Variants in ANKDD1A observed in about 807,000 individuals in gnomAD.
ANKDD1A encodes the protein ankyrin repeat and death domain-containing protein 1A.
A neutral mutation model predicts 63.5 loss-of-function variants in ANKDD1A; 59 were observed. The observed-to-expected ratio is 0.93, with a 90% CI of 0.75 to 1.15. The LOEUF (loss-of-function observed/expected upper bound fraction) is 1.15, where lower values mean the gene tolerates loss of function less well. Ranked by LOEUF, ANKDD1A falls within the 50% of genes most tolerant of loss-of-function variation. ANKDD1A has a pLI of 0.00. For synonymous variants in ANKDD1A, 266 were observed against 263.9 expected (o/e 1.01, Z -0.08); for missense variants, 632 against 656.4 (o/e 0.96, Z 0.41).
In ANKDD1A at chr15:64,917,369, C is replaced by A; in HGVS notation, c.139-17C>A. 1 of 1,593,018 alleles carries A rather than the reference C, an allele frequency of 6.3e-7. No homozygotes were observed. The highest frequency in any genetic ancestry group is 1.1e-5 in the South Asian group (1 of 88,564). ...GGTGGCAGCAGCACCTGACAAGTGT[C>A]ATCTCCCTCCGGGCAGGTGGGCAGG... On this transcript the variant is annotated splice_polypyrimidine_tract_variant and intron_variant, in intron 2 of 14. Transcript: ENST00000319580.
At chr15:64,935,102 C>T (rs2085118270) in intron 9 of ANKDD1A, among the ~76,000 whole-genome samples, 1 of 151,326 alleles carries the variant, frequency 6.6e-6, no homozygotes, top group Non-Finnish European at 1.5e-5. Context: ...GTGGTGTACA[C>T]ATGTAGTCCT....
intron 14 of ANKDD1A, 199 bp downstream of exon 14, chr15:64,950,171 A>T: frequency 1.0e-6 from 1 of 985,324 alleles, no homozygotes; most frequent in Non-Finnish European, 1.2e-6. Context: ...CATCTGTGCA[A>T]TGAGGGTGTT....
chr15:64,954,989 C>G (rs1269047919), intron 14 of ANKDD1A, among the ~76,000 whole-genome samples: 1 of 150,788 alleles, frequency 6.6e-6, no homozygotes, highest in Non-Finnish European at 1.5e-5. Flanking sequence ...TCCTGCTTCT[C>G]CTCTTCCTCT....
chr15:64,953,322 TTTCC>T (rs2085337260), intron 14 of ANKDD1A, among the ~76,000 whole-genome samples: 1 of 150,926 alleles, frequency 6.6e-6, no homozygotes, highest in Non-Finnish European at 1.5e-5. Context: ...TTCTTTCTTC[TTTCC>T]TTCTTATTCT....
chr15:64,953,017 G>GTTCTTCTCC (rs1040997288), intron 14 of ANKDD1A, among the ~76,000 whole-genome samples: 5 of 105,102 alleles, frequency 4.8e-5, no homozygotes, highest in African/African-American at 1.4e-4. Context: ...TCTTCTCCTT[G>GTTCTTCTCC]TTCTTCTCCT....
chr15:64,950,864 C>A, intron 14 of ANKDD1A: 2 of 1,154,858 alleles, frequency 1.7e-6, no homozygotes, highest in Non-Finnish European at 2.2e-6. Context: ...CATCTTTTAA[C>A]ACAAACTGTG....
intron 14 of ANKDD1A, among the ~76,000 whole-genome samples, chr15:64,951,721 C>CTTT (rs1595858590): frequency 4.1e-5 from 3 of 73,596 alleles, no homozygotes; most frequent in South Asian, 3.3e-4. Context: ...CTTTTTCTTC[C>CTTT]CTTTTCTTCT....
At chr15:64,936,486 G>A (rs1334118026) in intron 9 of ANKDD1A, among the ~76,000 whole-genome samples, 1 of 152,036 alleles carries the variant, frequency 6.6e-6, no homozygotes, top group Non-Finnish European at 1.5e-5. Flanking sequence ...TATTTGCTTT[G>A]TTTTTAATAC....
At chr15:64,952,117 TTCTTCTC>T (rs1224568344) in intron 14 of ANKDD1A, among the ~76,000 whole-genome samples, 4,262 of 20,080 alleles carry the variant, frequency 0.21, 184 homozygotes, top group East Asian at 0.55. Flanking sequence ...TTCTTCTTCT[TTCTTCTC>T]TTTCTTCTTC....
At chr15:64,924,437 A>C (rs2085031077) in intron 4 of ANKDD1A, among the ~76,000 whole-genome samples, 1 of 152,264 alleles carries the variant, frequency 6.6e-6, no homozygotes, top group Admixed American at 6.5e-5. Flanking sequence ...CAGGAGGAAT[A>C]GATGCAGCCA....
intron 14 of ANKDD1A, among the ~76,000 whole-genome samples, chr15:64,952,928 TTCTTCTTCC>T (rs141383721): frequency 0.31 from 44,082 of 141,608 alleles, 7,846 homozygotes; most frequent in South Asian, 0.47. Context: ...TTCTTCTTAG[TTCTTCTTCC>T]TCTTCTTCCT....
intron 2 of ANKDD1A, among the ~76,000 whole-genome samples, chr15:64,916,410 G>A (rs1326757855): frequency 6.7e-6 from 1 of 149,288 alleles, no homozygotes; most frequent in Admixed American, 6.7e-5. Context: ...CTGTAGCCTT[G>A]ACCTTCCTGG....
At chr15:64,952,962 T>TTTTCA (rs2085326917) in intron 14 of ANKDD1A, among the ~76,000 whole-genome samples, 1 of 8,606 alleles carries the variant, frequency 1.2e-4, no homozygotes, top group African/African-American at 1.6e-4. Flanking sequence ...TTTCTTCCTC[T>TTTTCA]TCTTCTTTTC....
chr15:64,917,799 G>A (rs1225758103), intron 3 of ANKDD1A, among the ~76,000 whole-genome samples: 1 of 152,200 alleles, frequency 6.6e-6, no homozygotes, highest in African/African-American at 2.4e-5. Flanking sequence ...AGATAATTGG[G>A]TGGATTGATA....
At chr15:64,934,666 ATTTTTT>A (rs557531003) in intron 9 of ANKDD1A, among the ~76,000 whole-genome samples, 4 of 119,884 alleles carry the variant, frequency 3.3e-5, no homozygotes. Context: ...TGCCCAGCTA[ATTTTTT>A]TTTTTTTTTT....
Position 64,926,067 on chromosome 15 carries a change from A to G in ANKDD1A, c.368A>G (p.Asp123Gly). 5 of 1,612,840 alleles carry G rather than the reference A, an allele frequency of 3.1e-6. No homozygotes were observed. The South Asian group carries it at 3.3e-5, about 11-fold the overall frequency. Reference protein sequence around the residue: ...SGAKIHCESKDGLTLLHCAAQ... With the variant: ...SGAKIHCESKGGLTLLHCAAQ... Reference sequence around the variant, plus strand: ...GAACCCTCCTGCACTTGTTTCCAGGATGGCCTGACCTTACTGCACTGCGCA... The same window carrying G: ...GAACCCTCCTGCACTTGTTTCCAGGGTGGCCTGACCTTACTGCACTGCGCA... The change falls in exon 5 of 15, where the codon GAT becomes GGT. Residue 123 changes from aspartate to glycine, a missense_variant and splice_region_variant. Physicochemically the swap from Asp to Gly is moderately conservative, Grantham distance 94. Coordinates refer to ENST00000319580, the MANE Select transcript of ANKDD1A (RefSeq NM_182703.6).
At chr15:64,913,934 A>G (rs1425495205) in intron 1 of ANKDD1A, 3 of 151,394 alleles carry the variant, frequency 2.0e-5, no homozygotes, top group East Asian at 3.9e-4. Flanking sequence ...ACAGGCATCT[A>G]TTCGTCTGGG....
Position 64,926,906 on chromosome 15 carries a change from G to A in ANKDD1A, c.477G>A (p.Gly159=), listed in dbSNP as rs760540390. ...DVALDHVDKL[G]RTAFHRAAEH... Reference sequence around the variant, plus strand: ...CCGCTTCTCCTCCCGGCCAGCTGGGGAGGACGGCGTTTCACAGGGCAGCTG... The same window carrying A: ...CCGCTTCTCCTCCCGGCCAGCTGGGAAGGACGGCGTTTCACAGGGCAGCTG... The change falls in exon 6 of 15, where the codon GGG becomes GGA. Residue 159 remains glycine (G), a synonymous_variant. Coordinates refer to ENST00000319580, the MANE Select transcript of ANKDD1A (RefSeq NM_182703.6). 4 of 1,614,198 alleles carry A rather than the reference G, an allele frequency of 2.5e-6. No homozygotes were observed. Among genetic ancestry groups the A allele is most frequent in the Middle Eastern group, 1.7e-4 (1 of 6,048 alleles).
At chr15:64,930,412 G>C (rs186229936) in intron 6 of ANKDD1A, among the ~76,000 whole-genome samples, 1 of 152,082 alleles carries the variant, frequency 6.6e-6, no homozygotes, top group African/African-American at 2.4e-5. Context: ...AGTGTGGCCC[G>C]GGCAGGCCAT....
Sources: allele counts gnomAD v4.1 joint callset (sites outside exome capture counted in the v4.1 genomes callset), GRCh38; gene constraint gnomAD v4.1.1; transcripts MANE v1.5; gene names NCBI Gene and HGNC (gene_info 2026-07-23, HGNC 2026-07-21).